The following SUMF1 variants were observed in gnomAD, a reference collection of about 807,000 sequenced individuals.
SUMF1 encodes sulfatase modifying factor 1.
A neutral mutation model predicts 47.6 loss-of-function variants in SUMF1; 48 were observed. The observed-to-expected ratio is 1.01, with a 90% confidence interval of 0.80 to 1.28. The LOEUF (loss-of-function observed/expected upper bound fraction) is 1.28. SUMF1 is among the 50% of genes most tolerant of loss of function. SUMF1 has a pLI of 0.00. For synonymous variants in SUMF1, 230 were observed against 192.1 expected (o/e 1.20, Z -1.63); for missense variants, 571 against 485.4 (o/e 1.18, Z -1.66).
chr3:4,187,785 A>G, intron 8 of SUMF1, among the ~76,000 whole-genome samples: 1 of 152,152 alleles, frequency 6.6e-6, no homozygotes, highest in Non-Finnish European at 1.5e-5. Context: ...CCAATTTTGA[A>G]TATTGTGTCC....
chr3:4,304,263 TC>T (rs1698088110), intron 8 of SUMF1, among the ~76,000 whole-genome samples: 1 of 152,180 alleles, frequency 6.6e-6, no homozygotes, highest in Non-Finnish European at 1.5e-5. Context: ...TGCCTCAGCC[TC>T]CCGAGTAGCT....
At chr3:4,402,625 C>T (rs1211468596) in intron 7 of SUMF1, among the ~76,000 whole-genome samples, 2 of 152,106 alleles carry the variant, frequency 1.3e-5, no homozygotes, top group South Asian at 2.1e-4. Context: ...TTAAAACAAC[C>T]AAATCTGTTG....
At chr3:4,042,908 C>T (rs1319775223) in intron 9 of SUMF1, among the ~76,000 whole-genome samples, 1 of 152,122 alleles carries the variant, frequency 6.6e-6, no homozygotes, top group African/African-American at 2.4e-5. Flanking sequence ...ATCCCATCAC[C>T]TCCTAGACCC....
At chr3:4,456,753 CGTGTGT>C (rs372417392) in intron 1 of SUMF1, among the ~76,000 whole-genome samples, 2 of 19,974 alleles carry the variant, frequency 1.0e-4, no homozygotes, top group African/African-American at 4.1e-4. Context: ...CACATATATA[CGTGTGT>C]GTGTATATAT....
intron 3 of SUMF1, among the ~76,000 whole-genome samples, chr3:4,437,061 C>G (rs1702426643): frequency 6.6e-6 from 1 of 152,084 alleles, no homozygotes; most frequent in Non-Finnish European, 1.5e-5. Context: ...AGAAAGTTTA[C>G]TACCAACGGA....
chr3:4,443,719 C>G (rs1054231214), intron 3 of SUMF1, among the ~76,000 whole-genome samples: 4 of 151,756 alleles, frequency 2.6e-5, no homozygotes, highest in Non-Finnish European at 5.9e-5. Context: ...GAGCCAAGAT[C>G]GTGCCACTGC....
intron 8 of SUMF1, among the ~76,000 whole-genome samples, chr3:4,273,729 G>A (rs898009181): frequency 8.1e-5 from 8 of 99,334 alleles, no homozygotes; most frequent in African/African-American, 3.6e-4. Context: ...GGGAGGATAC[G>A]GGAGGGAGGA....
At chr3:4,256,573 T>C (rs1362331698) in intron 8 of SUMF1, among the ~76,000 whole-genome samples, 45 of 147,364 alleles carry the variant, frequency 3.1e-4, no homozygotes, top group African/African-American at 1.0e-3. Context: ...CAGGAAGAAG[T>C]TGAATCTCTG....
At chr3:4,205,190 T>C (rs1162752817) in intron 8 of SUMF1, among the ~76,000 whole-genome samples, 2 of 152,152 alleles carry the variant, frequency 1.3e-5, no homozygotes, top group Non-Finnish European at 2.9e-5. Context: ...TTTGCAATCT[T>C]CCCCAACCCT....
In SUMF1 at chr3:4,361,895, C is replaced by T. The variant is rs1393483022; in HGVS notation, c.*249G>A. 1.2e-5 allele frequency: 6 copies of T among 482,586 alleles called. No homozygotes were observed. Among genetic ancestry groups the T allele is most frequent in the Admixed American group, 1.0e-4 (3 of 30,126 alleles). The allele number at this position is 482,586 out of a possible 1,614,324, so 29.9% of individuals were successfully genotyped here. ...CTAGCTCAGGGTTCCCTCCACTCCCCTTCCTCTTTAAAGACTCTCAAAAGT... is the reference window on the plus strand; with the variant it reads ...CTAGCTCAGGGTTCCCTCCACTCCCTTTCCTCTTTAAAGACTCTCAAAAGT... On this transcript the variant is annotated 3_prime_UTR_variant, in exon 9 of 9. Coordinates refer to ENST00000272902, the MANE Select transcript of SUMF1 (RefSeq NM_182760.4).
intron 9 of SUMF1, among the ~76,000 whole-genome samples, chr3:4,040,975 G>C (rs1307453800): frequency 6.6e-6 from 1 of 151,872 alleles, no homozygotes; most frequent in Non-Finnish European, 1.5e-5. Flanking sequence ...AGTAACCTCA[G>C]GTTGGGTGCC....
chr3:4,055,334 T>C (rs985493297), intron 9 of SUMF1, among the ~76,000 whole-genome samples: 21 of 152,184 alleles, frequency 1.4e-4, no homozygotes, highest in Non-Finnish European at 8.8e-5. Context: ...TCCAAGTTAT[T>C]ATCCTGTATT....
At chr3:4,133,201 C>T (rs1048729066) in intron 8 of SUMF1, among the ~76,000 whole-genome samples, 18 of 152,218 alleles carry the variant, frequency 1.2e-4, no homozygotes, top group East Asian at 7.7e-4. Flanking sequence ...TTTCCTTTCT[C>T]CTTTATCATG....
chr3:4,074,673 T>A (rs1191558518), intron 8 of SUMF1, among the ~76,000 whole-genome samples: 2 of 151,880 alleles, frequency 1.3e-5, no homozygotes, highest in Admixed American at 6.6e-5. Flanking sequence ...ACCGATCCCA[T>A]GGAAATACAA....
chr3:4,350,016 T>TC (rs1215747028), intron 8 of SUMF1, among the ~76,000 whole-genome samples: 1 of 151,480 alleles, frequency 6.6e-6, no homozygotes, highest in Non-Finnish European at 1.5e-5. Flanking sequence ...TTTTTTTTTT[T>TC]CTGAGATGGA....
At chr3:4,382,144 T>C (rs1465597012) in intron 7 of SUMF1, among the ~76,000 whole-genome samples, 1 of 152,188 alleles carries the variant, frequency 6.6e-6, no homozygotes, top group Non-Finnish European at 1.5e-5. Flanking sequence ...GAAAGGCTAA[T>C]GAAGATCCTC....
intron 8 of SUMF1, among the ~76,000 whole-genome samples, chr3:4,198,149 T>C (rs1283286860): frequency 6.6e-6 from 1 of 151,966 alleles, no homozygotes; most frequent in Non-Finnish European, 1.5e-5. Flanking sequence ...GGTATGTTTC[T>C]CTCCTATTCC....
rs1693273772 is a variant in SUMF1, at chr3:4,110,550, T to C, written c.1015-41805A>G. Among the ~76,000 whole-genome samples the C allele has an allele frequency of 4.6e-5, 7 of 152,114 alleles. No homozygotes were observed. The South Asian group carries it at 1.5e-3, about 32-fold the overall frequency. On this transcript the variant is annotated intron_variant and NMD_transcript_variant, in intron 8 of 12. Coordinates refer to the SUMF1 transcript ENST00000448413. ...TATAAAGACACATGCACACGTATGT[T>C]TATAGTGGCACTGTTCACAATAACA...
At chr3:4,252,375 C>T (rs910544439) in intron 8 of SUMF1, among the ~76,000 whole-genome samples, 2 of 143,210 alleles carry the variant, frequency 1.4e-5, no homozygotes, top group African/African-American at 5.0e-5. Flanking sequence ...CACACACACA[C>T]ACACCCCACT....
Sources: allele counts gnomAD v4.1 joint callset (sites outside exome capture counted in the v4.1 genomes callset), GRCh38; gene constraint gnomAD v4.1.1; transcripts MANE v1.5; gene names NCBI Gene and HGNC (gene_info 2026-07-23, HGNC 2026-07-21).